Variants in DTWD2 observed in about 807,000 individuals in gnomAD.
The protein encoded by DTWD2 is DTW motif tRNA-uridine aminocarboxypropyltransferase 2.
DTWD2 carries 39 observed loss-of-function variants against 31.8 expected under a neutral mutation model. The observed-to-expected ratio is 1.22, with a 90% confidence interval of 0.95 to 1.60. The LOEUF is 1.60. Among genes scored for constraint, DTWD2 ranks in the 40% most tolerant of loss-of-function variants. DTWD2 has a pLI of 0.00. For missense variants in DTWD2, 515 were observed against 381.5 expected (o/e 1.35, Z -2.92); for synonymous variants, 180 against 142.8 (o/e 1.26, Z -1.86).
intron 4 of DTWD2, among the ~76,000 whole-genome samples, chr5:118,872,767 G>C (rs1419967526): frequency 6.6e-6 from 1 of 152,224 alleles, no homozygotes; most frequent in Non-Finnish European, 1.5e-5. Context: ...CATGCTGTTG[G>C]AAAAACGGTG....
intron 4 of DTWD2, among the ~76,000 whole-genome samples, chr5:118,867,975 T>C (rs1040595410): frequency 2.6e-5 from 4 of 152,068 alleles, no homozygotes; most frequent in African/African-American, 9.7e-5. Context: ...CAAAGCAATC[T>C]TGAAAAAGAA....
intron 4 of DTWD2, among the ~76,000 whole-genome samples, chr5:118,900,055 C>A (rs1470890956): frequency 6.6e-6 from 1 of 152,136 alleles, no homozygotes; most frequent in African/African-American, 2.4e-5. Context: ...GATCTGCCCA[C>A]CTCGGCCTCC....
rs184051753 is a variant in DTWD2, at chr5:118,840,222, T to C, written c.*695A>G. 1.3e-5 allele frequency: 2 copies of C among 152,256 alleles called. No homozygotes were observed. The highest frequency in any genetic ancestry group is 3.9e-4 in the East Asian group (2 of 5,192). The allele number at this position is 152,256 out of a possible 1,614,324, so 9.4% of individuals were successfully genotyped here. A position where few individuals can be genotyped will look rare whatever the true frequency, so the allele number is the denominator to read the frequency against. ...ATTATTTTCCATATGAAAACATCAA[T>C]AAAATAAGTTTACCAGAGTCAATAA... On this transcript the variant is annotated 3_prime_UTR_variant, in exon 6 of 6. Transcript: ENST00000510708.
rs1726667232 is a variant in DTWD2, at chr5:118,839,608, C to T, written c.*1309G>A. On this transcript the variant is annotated 3_prime_UTR_variant, in exon 6 of 6. Transcript: ENST00000510708. ...AACTCCTGGGCTCAAGCAATTCTCA[C>T]ATCTCAGCCTCCCAAAGTGCTGGGA... is the stretch of plus-strand genomic sequence containing the variant. The T allele has an allele frequency of 6.6e-6, 1 of 152,074 alleles. No homozygotes were observed. The highest frequency in any genetic ancestry group is 2.1e-4 in the South Asian group (1 of 4,812). 9.4% of individuals were successfully genotyped at this position (152,074 alleles called of 1,614,324 possible). A position where few individuals can be genotyped will look rare whatever the true frequency, so the allele number is the denominator to read the frequency against.
At chr5:118,955,017 T>C (rs555065545) in intron 1 of DTWD2, among the ~76,000 whole-genome samples, 1 of 152,322 alleles carries the variant, frequency 6.6e-6, no homozygotes, top group Non-Finnish European at 1.5e-5. Flanking sequence ...TATTATATTT[T>C]GTGATCATTT....
At chr5:118,883,038 C>CA (rs1752777696) in intron 4 of DTWD2, among the ~76,000 whole-genome samples, 1 of 152,206 alleles carries the variant, frequency 6.6e-6, no homozygotes, top group Non-Finnish European at 1.5e-5. Flanking sequence ...CATAAGTTAA[C>CA]AAAAGTTCCA....
chr5:118,862,466 C>A (rs543224641), intron 4 of DTWD2, among the ~76,000 whole-genome samples: 2 of 152,132 alleles, frequency 1.3e-5, no homozygotes, highest in African/African-American at 4.8e-5. Flanking sequence ...GGTATCAAGG[C>A]AGCTTTGGTT....
intron 1 of DTWD2, among the ~76,000 whole-genome samples, chr5:118,982,823 G>A (rs1420092287): frequency 1.3e-5 from 2 of 151,354 alleles, no homozygotes; most frequent in Non-Finnish European, 2.9e-5. Flanking sequence ...CAAGTAGCTG[G>A]GATTACAGGC....
At chr5:118,981,524 C>T (rs1020918719) in intron 1 of DTWD2, among the ~76,000 whole-genome samples, 3 of 147,728 alleles carry the variant, frequency 2.0e-5, no homozygotes, top group Non-Finnish European at 4.5e-5. Flanking sequence ...GAAAAACAAG[C>T]AAACAAACAA....
chr5:118,881,193 G>C (rs1000874806), intron 4 of DTWD2, among the ~76,000 whole-genome samples: 7 of 152,052 alleles, frequency 4.6e-5, no homozygotes, highest in African/African-American at 1.7e-4. Flanking sequence ...CAGTACTAAA[G>C]GTGTAGGTAC....
intron 4 of DTWD2, among the ~76,000 whole-genome samples, chr5:118,851,604 T>G (rs924230696): frequency 6.9e-6 from 1 of 145,154 alleles, no homozygotes; most frequent in African/African-American, 2.6e-5. Context: ...CGTATTGTCT[T>G]GATAAACATC....
chr5:118,959,168 T>C (rs1490544294), intron 1 of DTWD2, among the ~76,000 whole-genome samples: 3 of 152,186 alleles, frequency 2.0e-5, no homozygotes, highest in African/African-American at 7.2e-5. Flanking sequence ...TATCTCTGTT[T>C]GCAGACAATA....
rs750300472 is a variant in DTWD2, at chr5:118,939,260, G to C, written c.340C>G (p.Leu114Val). Residue 114 changes from leucine to valine, a missense_variant, in exon 3 of 6, where the codon CTA (leucine) becomes GTA (valine). Coordinates refer to ENST00000510708, the MANE Select transcript of DTWD2 (RefSeq NM_173666.4). ...TTGTCCTGGGGGAGGCATGCTGCTAGTAGAGGAACTGTACGCAACACTTTG... is the reference window on the plus strand; with the variant it reads ...TTGTCCTGGGGGAGGCATGCTGCTACTAGAGGAACTGTACGCAACACTTTG... ...ENKVLRTVPL[L>V]AACLPQDKCK... The C allele has an allele frequency of 6.3e-7, 1 of 1,599,456 alleles. No homozygotes were observed. The highest frequency in any genetic ancestry group is 8.5e-7 in the Non-Finnish European group (1 of 1,172,560).
intron 1 of DTWD2, among the ~76,000 whole-genome samples, chr5:118,976,871 G>A (rs769283352): frequency 3.3e-5 from 5 of 152,100 alleles, no homozygotes; most frequent in Non-Finnish European, 5.9e-5. Context: ...AAACCTGGCA[G>A]AGATACAACA....
chr5:118,868,537 A>T (rs893994450), intron 4 of DTWD2, among the ~76,000 whole-genome samples: 2 of 152,178 alleles, frequency 1.3e-5, no homozygotes, highest in African/African-American at 2.4e-5. Flanking sequence ...TATCCAGAAC[A>T]TATTAAAAAT....
chr5:118,974,002 T>C (rs1580450033), intron 1 of DTWD2: 1 of 1,596,992 alleles, frequency 6.3e-7, no homozygotes, highest in Non-Finnish European at 8.6e-7. Context: ...AAGAAGGTGA[T>C]GGTGAGGAAG....
At chr5:118,911,567 T>A in intron 4 of DTWD2, among the ~76,000 whole-genome samples, 1 of 152,174 alleles carries the variant, frequency 6.6e-6, no homozygotes, top group Non-Finnish European at 1.5e-5. Context: ...ATGTTCACAG[T>A]AGCATTATTC....
In DTWD2 at chr5:118,852,601, T is replaced by C. The variant is rs556445320; in HGVS notation, c.598-4383A>G. Among the ~76,000 whole-genome samples, 5 of 152,248 alleles carry C rather than the reference T, an allele frequency of 3.3e-5. No individual in the cohort carries two copies. The South Asian group carries it at 1.0e-3, about 32-fold the overall frequency. ...GGAAGAGGTTATGGAGAAAAGGAAA[T>C]GTTTATACACTGCTTGTGGGAATGT... On this transcript the variant is annotated intron_variant, in intron 4 of 5. Transcript: ENST00000510708.
At chr5:118,865,543 G>A (rs1328186945) in intron 4 of DTWD2, among the ~76,000 whole-genome samples, 1 of 152,090 alleles carries the variant, frequency 6.6e-6, no homozygotes, top group Non-Finnish European at 1.5e-5. Flanking sequence ...TTTTGGCATG[G>A]CCATGTTTTC....
Sources: allele counts gnomAD v4.1 joint callset (sites outside exome capture counted in the v4.1 genomes callset), GRCh38; gene constraint gnomAD v4.1.1; transcripts MANE v1.5; gene names NCBI Gene and HGNC (gene_info 2026-07-23, HGNC 2026-07-21).